YAP1: variants seen among roughly 807,000 people sequenced by gnomAD.
YAP1 encodes Yes1 associated transcriptional regulator.
A neutral mutation model predicts 56.9 loss-of-function variants in YAP1; 5 were observed. The ratio of observed to expected loss-of-function variants is 0.09; its 90% confidence interval spans 0.05 to 0.18. The LOEUF is 0.18. Ranked by LOEUF, YAP1 falls within the 10% of genes least tolerant of loss-of-function variation. The pLI is 1.00. For synonymous variants in YAP1, 265 were observed against 248.1 expected (o/e 1.07, Z -0.64); for missense variants, 539 against 651.8 (o/e 0.83, Z 1.88).
At chr11:102,216,370 G>T (rs1949666712) in intron 6 of YAP1, among the ~76,000 whole-genome samples, 1 of 152,082 alleles carries the variant, frequency 6.6e-6, no homozygotes. Context: ...GGGTAAGCAT[G>T]AAGTCAAATT....
intron 2 of YAP1, among the ~76,000 whole-genome samples, chr11:102,142,096 T>C (rs1303745834): frequency 1.3e-5 from 2 of 152,198 alleles, no homozygotes; most frequent in Admixed American, 6.5e-5. Flanking sequence ...TTATCATTAA[T>C]CCAGAAGATT....
chr11:102,180,645 G>T (rs1172659830), intron 3 of YAP1, among the ~76,000 whole-genome samples: 1 of 132,380 alleles, frequency 7.6e-6, no homozygotes, highest in African/African-American at 2.9e-5. Flanking sequence ...TCATGCCACT[G>T]CACTCCAGCC....
chr11:102,142,610 ACAGT>A (rs984055905), intron 2 of YAP1, among the ~76,000 whole-genome samples: 1 of 152,196 alleles, frequency 6.6e-6, no homozygotes, highest in African/African-American at 2.4e-5. Context: ...TCTATTCTTG[ACAGT>A]CAGTTTTAGT....
intron 3 of YAP1, among the ~76,000 whole-genome samples, chr11:102,168,457 T>C (rs1187571906): frequency 6.7e-6 from 1 of 149,130 alleles, no homozygotes; most frequent in Non-Finnish European, 1.5e-5. Flanking sequence ...AAATGTCTTA[T>C]TACAGGTACA....
intron 2 of YAP1, among the ~76,000 whole-genome samples, chr11:102,156,100 A>G (rs1362279336): frequency 6.6e-6 from 1 of 152,154 alleles, no homozygotes; most frequent in Non-Finnish European, 1.5e-5. Context: ...AATACTGCCA[A>G]TGTCTGTAAC....
At chr11:102,195,627 A>G (rs1231108295) in intron 4 of YAP1, among the ~76,000 whole-genome samples, 1 of 152,168 alleles carries the variant, frequency 6.6e-6, no homozygotes. Context: ...TTATGGTTTT[A>G]TAAGGGGCTT....
intron 1 of YAP1, among the ~76,000 whole-genome samples, chr11:102,112,216 TG>T (rs1333298106): frequency 6.6e-6 from 1 of 152,228 alleles, no homozygotes; most frequent in Non-Finnish European, 1.5e-5. Flanking sequence ...TGGGAAGCGA[TG>T]ACTAATTCTA....
intron 6 of YAP1, among the ~76,000 whole-genome samples, chr11:102,219,537 A>G (rs1484372739): frequency 6.6e-6 from 1 of 152,200 alleles, no homozygotes; most frequent in Non-Finnish European, 1.5e-5. Context: ...CAATGAGTGT[A>G]GTATCACTGT....
intron 3 of YAP1, among the ~76,000 whole-genome samples, chr11:102,180,012 T>G (rs1305167022): frequency 6.7e-6 from 1 of 148,924 alleles, no homozygotes; most frequent in Non-Finnish European, 1.5e-5. Flanking sequence ...TTCTATTTTT[T>G]TTTTTTTTTT....
At chr11:102,181,194 C>T (rs1947596035) in intron 3 of YAP1, among the ~76,000 whole-genome samples, 3 of 151,568 alleles carry the variant, frequency 2.0e-5, no homozygotes, top group Admixed American at 2.0e-4. Flanking sequence ...GCCTGTAATC[C>T]CAGCACTTTG....
chr11:102,165,817 A>G (rs1946571027), intron 3 of YAP1, among the ~76,000 whole-genome samples: 1 of 152,238 alleles, frequency 6.6e-6, no homozygotes, highest in Non-Finnish European at 1.5e-5. Context: ...CCGATAAAGC[A>G]GAAGCGACAA....
intron 2 of YAP1, among the ~76,000 whole-genome samples, chr11:102,134,303 T>G (rs1483224840): frequency 6.6e-6 from 1 of 152,058 alleles, no homozygotes; most frequent in Non-Finnish European, 1.5e-5. Context: ...ATACTTAATC[T>G]GTTAACTGTG....
chr11:102,114,694 A>G (rs1943166726), intron 2 of YAP1, among the ~76,000 whole-genome samples: 2 of 152,192 alleles, frequency 1.3e-5, no homozygotes. Flanking sequence ...CCTTTTAATT[A>G]GCCTAGCACA....
rs1950474465 is a variant in YAP1 at position 102,232,776 on chromosome 11, G to T, written c.*2836G>T. ...TTTACATTTGTGTTATTTTCAGTCA[G>T]GGCTTCTTAGATCTACTTATGGTTG... On this transcript the variant is annotated 3_prime_UTR_variant, in exon 9 of 9. Transcript: ENST00000282441. 1 of 152,418 alleles carries T rather than the reference G, an allele frequency of 6.6e-6. No homozygotes were observed. Among genetic ancestry groups the T allele is most frequent in the Non-Finnish European group, 1.5e-5 (1 of 67,980 alleles). The allele number at this position is 152,418 out of a possible 1,614,324, so 9.4% of individuals were successfully genotyped here.
intron 6 of YAP1, among the ~76,000 whole-genome samples, chr11:102,214,174 T>G (rs1357134729): frequency 6.6e-6 from 1 of 152,190 alleles, no homozygotes; most frequent in African/African-American, 2.4e-5. Flanking sequence ...TAATTCCAAT[T>G]TAGGTGGTCA....
intron 3 of YAP1, among the ~76,000 whole-genome samples, chr11:102,180,738 A>C (rs2135483290): frequency 6.6e-6 from 1 of 152,086 alleles, no homozygotes; most frequent in Non-Finnish European, 1.5e-5. Context: ...CTGAATGATA[A>C]ATGCTATGAC....
rs940413301 is a variant in YAP1, at chr11:102,233,310, T to C, written c.*3370T>C. The C allele has an allele frequency of 7.2e-5, 11 of 152,232 alleles. No individual in the cohort carries two copies. Among genetic ancestry groups the C allele is most frequent in the African/African-American group, 2.2e-4 (9 of 41,468 alleles). The allele number at this position is 152,232 out of a possible 1,614,324, so 9.4% of individuals were successfully genotyped here. The stretch of plus-strand genomic sequence containing the variant: ...TTACCTTTTTATTTTTTGTTTTAGA[T>C]GTAAGAGCATGCTCATATGTTAGGT... On this transcript the variant is annotated 3_prime_UTR_variant, in exon 9 of 9. Transcript: ENST00000282441.
chr11:102,194,095 G>A (rs575169102), intron 4 of YAP1, among the ~76,000 whole-genome samples: 55 of 152,300 alleles, frequency 3.6e-4, no homozygotes, highest in Admixed American at 2.3e-3. Flanking sequence ...GTGAGCCACC[G>A]TGCCAAGCCT....
chr11:102,177,675 CAAAAAA>C (rs1022433513), intron 3 of YAP1, among the ~76,000 whole-genome samples: 1 of 54,992 alleles, frequency 1.8e-5, no homozygotes, highest in Non-Finnish European at 4.1e-5. Context: ...GACTCGGTCT[CAAAAAA>C]AAAAAAAAAA....
Sources: allele counts gnomAD v4.1 joint callset (sites outside exome capture counted in the v4.1 genomes callset), GRCh38; gene constraint gnomAD v4.1.1; transcripts MANE v1.5; gene names NCBI Gene and HGNC (gene_info 2026-07-23, HGNC 2026-07-21).